The following PHTF1 variants were observed in gnomAD, a reference collection of about 807,000 sequenced individuals.
The protein encoded by PHTF1 is protein PHTF1.
PHTF1 carries 88 observed loss-of-function variants against 102.4 expected under a neutral mutation model. The observed-to-expected ratio is 0.86, with a 90% CI of 0.72 to 1.03. The LOEUF is 1.03. Among genes scored for constraint, PHTF1 ranks in the 50% least tolerant of loss-of-function variants. PHTF1 has a pLI of 0.00. For synonymous variants in PHTF1, 289 were observed against 305.2 expected (o/e 0.95, Z 0.55); for missense variants, 814 against 909.5 (o/e 0.89, Z 1.35).
intron 3 of PHTF1, among the ~76,000 whole-genome samples, chr1:113,755,907 A>AT (rs1227166104): frequency 1.3e-5 from 2 of 148,388 alleles, no homozygotes; most frequent in Non-Finnish European, 3.0e-5. Flanking sequence ...AAAAAAAAAA[A>AT]GTACAAAAAA....
chr1:113,726,643 CA>C (rs1354898830), intron 5 of PHTF1, 69 bp from the exon 6 acceptor site: 22 of 972,860 alleles, frequency 2.3e-5, no homozygotes, highest in Non-Finnish European at 2.5e-5. Context: ...AAAAACTATA[CA>C]AATTGTTTCT....
rs1249604553 is a variant in PHTF1 at position 113,737,961 on chromosome 1, T to C, written c.331+149A>G. ...GCTCTCTCATAGCAGATAATTTTAA[T>C]ATGAACCCCAAATGGCATATGTCTC... is the stretch of plus-strand genomic sequence containing the variant. On this transcript the variant is annotated intron_variant, in intron 5 of 18. Coordinates refer to ENST00000369604, the MANE Select transcript of PHTF1 (RefSeq NM_001323043.2). 1.7e-5 allele frequency: 10 copies of C among 601,310 alleles called. No homozygotes were observed. In the East Asian group the frequency reaches 2.5e-4, roughly 15 times the overall value. The allele number at this position is 601,310 out of a possible 1,614,324, so 37.2% of individuals were successfully genotyped here. A position where few individuals can be genotyped will look rare whatever the true frequency, so the allele number is the denominator to read the frequency against.
intron 18 of PHTF1, 83 bp downstream of exon 18, chr1:113,698,178 CA>C: frequency 1.1e-6 from 1 of 935,894 alleles, no homozygotes; most frequent in Non-Finnish European, 1.7e-6. Context: ...CACACACACA[CA>C]CACACACACG....
intron 17 of PHTF1, 198 bp downstream of exon 17, chr1:113,699,506 A>C: frequency 1.5e-6 from 1 of 652,792 alleles, no homozygotes; most frequent in South Asian, 1.6e-5. Flanking sequence ...TTTGTCCTTA[A>C]TCTTGCCTCC....
chr1:113,720,263 G>A (rs1187072062), intron 7 of PHTF1, among the ~76,000 whole-genome samples: 1 of 152,066 alleles, frequency 6.6e-6, no homozygotes. Flanking sequence ...AAATATATAT[G>A]CACCCAACAC....
chr1:113,707,392 TCCC>T (rs1650375818), intron 11 of PHTF1, among the ~76,000 whole-genome samples: 1 of 152,184 alleles, frequency 6.6e-6, no homozygotes, highest in Admixed American at 6.5e-5. Flanking sequence ...CTAGCTCAAG[TCCC>T]ATTTCACCAA....
intron 3 of PHTF1, among the ~76,000 whole-genome samples, chr1:113,740,164 A>G (rs1298646079): frequency 6.6e-6 from 1 of 152,154 alleles, no homozygotes; most frequent in Admixed American, 6.6e-5. Flanking sequence ...GTTTTTCATA[A>G]TGGCTGTACT....
intron 7 of PHTF1, among the ~76,000 whole-genome samples, chr1:113,719,808 T>C (rs924413982): frequency 1.3e-5 from 2 of 152,218 alleles, no homozygotes; most frequent in African/African-American, 4.8e-5. Flanking sequence ...ACTGTATTAG[T>C]TCATTTTCAT....
intron 5 of PHTF1, 77 bp from the exon 6 acceptor site, chr1:113,726,651 T>G: frequency 2.1e-6 from 2 of 948,496 alleles, no homozygotes; most frequent in South Asian, 2.0e-5. Context: ...TACAAATTGT[T>G]TCTATAAAAA....
Position 113,700,912 on chromosome 1 carries a change from T to C in PHTF1, c.1928A>G (p.Tyr643Cys), listed in dbSNP as rs1345908107. 1.2e-6 allele frequency: 2 copies of C among 1,612,734 alleles called. No homozygotes were observed. The highest frequency in any genetic ancestry group is 2.2e-5 in the East Asian group (1 of 44,856). Residue 643 changes from tyrosine (Y) to cysteine (C), a missense_variant, in exon 16 of 19, where the codon TAT becomes TGT. Physicochemically the swap from Tyr to Cys is radical, Grantham distance 194 (BLOSUM62 -2). Transcript: ENST00000369604. ...QGHKTFLNDA[Y>C]NWEFLIWETA... ...TTCCCAGATCAAAAACTCCCAGTTA[T>C]AAGCATCATTCAGGAAAGTTTTATG...
chr1:113,723,609 A>G (rs1421115011), intron 7 of PHTF1, among the ~76,000 whole-genome samples: 1 of 152,228 alleles, frequency 6.6e-6, no homozygotes, highest in East Asian at 1.9e-4. Flanking sequence ...ATCTCTCACC[A>G]TATGCAAAAA....
chr1:113,729,628 TA>T (rs1210553018), intron 5 of PHTF1, among the ~76,000 whole-genome samples: 16 of 152,224 alleles, frequency 1.1e-4, no homozygotes, highest in Non-Finnish European at 1.8e-4. Flanking sequence ...TTGAATTTCC[TA>T]AGTGACAGAA....
At chr1:113,699,547 A>C (rs1301018888) in intron 17 of PHTF1, 157 bp downstream of exon 17, 1 of 665,560 alleles carries the variant, frequency 1.5e-6, no homozygotes, top group East Asian at 2.8e-5. Context: ...TCTGGTCCTA[A>C]CCACCACTGT....
intron 5 of PHTF1, among the ~76,000 whole-genome samples, chr1:113,727,458 C>T (rs916642973): frequency 1.3e-5 from 2 of 152,174 alleles, no homozygotes; most frequent in South Asian, 4.1e-4. Context: ...ACAGAATAGA[C>T]ACTCAATATT....
intron 8 of PHTF1, among the ~76,000 whole-genome samples, chr1:113,712,506 T>C (rs2101188403): frequency 6.6e-6 from 1 of 152,340 alleles, no homozygotes; most frequent in East Asian, 1.9e-4. Context: ...GATAAGTTAG[T>C]ATACGTAAAG....
intron 3 of PHTF1, among the ~76,000 whole-genome samples, chr1:113,744,195 C>T (rs746495889): frequency 5.3e-5 from 8 of 152,180 alleles, no homozygotes; most frequent in Admixed American, 1.3e-4. Context: ...GTAGGCTGTA[C>T]GCAGCCCTCT....
Position 113,706,731 on chromosome 1 carries a change from A to G in PHTF1, c.1270-9T>C. The G allele has an allele frequency of 6.3e-7, 1 of 1,590,026 alleles. No homozygotes were observed. Among genetic ancestry groups the G allele is most frequent in the Non-Finnish European group, 8.6e-7 (1 of 1,168,216 alleles). On this transcript the variant is annotated splice_polypyrimidine_tract_variant and intron_variant, in intron 11 of 18. Transcript: ENST00000369604. Reference sequence around the variant, plus strand: ...AGCCAGAATAAATGATTCTGAGAAGAAAAATATAAAATTGTTTCTATCCAT... The same window carrying G: ...AGCCAGAATAAATGATTCTGAGAAGGAAAATATAAAATTGTTTCTATCCAT...
intron 7 of PHTF1, among the ~76,000 whole-genome samples, chr1:113,717,861 T>G (rs1400631553): frequency 6.6e-6 from 1 of 152,120 alleles, no homozygotes; most frequent in Non-Finnish European, 1.5e-5. Flanking sequence ...CACAACCCAC[T>G]GGAATTCTGG....
intron 5 of PHTF1, among the ~76,000 whole-genome samples, chr1:113,736,893 A>G (rs533592386): frequency 1.3e-5 from 2 of 152,342 alleles, no homozygotes; most frequent in South Asian, 4.1e-4. Context: ...GGCCATGGTA[A>G]GAACTTTGGA....
Sources: gnomAD v4.1 joint callset for allele counts (sites outside exome capture counted in the v4.1 genomes callset) on GRCh38, gnomAD v4.1.1 for gene constraint, MANE v1.5 for transcripts, NCBI Gene and HGNC (gene_info 2026-07-23, HGNC 2026-07-21) for gene names.